LITAF: variants seen among roughly 807,000 people sequenced by gnomAD.
The protein encoded by LITAF is lipopolysaccharide-induced tumor necrosis factor-alpha factor.
LITAF carries 9 observed loss-of-function variants against 14.5 expected under a neutral mutation model. That is an observed-to-expected ratio of 0.62 (90% confidence interval 0.37 to 1.08). The LOEUF is 1.08. Ranked by LOEUF, LITAF falls within the 50% of genes least tolerant of loss-of-function variation. The probability of loss-of-function intolerance (pLI) is 0.01; values close to 1 mark genes in which losing one functional copy is unlikely to be tolerated. For synonymous variants in LITAF, 98 were observed against 88.2 expected (o/e 1.11, Z -0.62); for missense variants, 206 against 213.4 (o/e 0.97, Z 0.22).
chr16:11,587,072 T>G (rs2064816609), upstream of LITAF: 1 of 172,170 alleles, frequency 5.8e-6, no homozygotes, highest in Non-Finnish European at 1.3e-5. Context: ...CCACCGCCGG[T>G]TCCCCGCCTC....
chr16:11,555,591 C>G (rs116160786), intron 2 of LITAF, among the ~76,000 whole-genome samples: 3 of 151,374 alleles, frequency 2.0e-5, no homozygotes, highest in Admixed American at 6.6e-5. Flanking sequence ...CCCAGGAGGT[C>G]CAGGCTATAG....
chr16:11,594,891 A>T (rs1440904485), intron 1 of LITAF, among the ~76,000 whole-genome samples: 1 of 127,736 alleles, frequency 7.8e-6, no homozygotes, highest in African/African-American at 3.2e-5. Context: ...AATAAAAAAA[A>T]ATAAAATAAA....
chr16:11,561,079 C>T (rs1441562258), intron 1 of LITAF: 3 of 152,196 alleles, frequency 2.0e-5, no homozygotes, highest in African/African-American at 7.2e-5. Context: ...ACGTCGAGGA[C>T]TCGCCGTCAC....
At chr16:11,637,486 C>G (rs2065142477), upstream of LITAF, among the ~76,000 whole-genome samples, 1 of 152,238 alleles carries the variant, frequency 6.6e-6, no homozygotes, top group South Asian at 2.1e-4. Context: ...AGCTGGGGAC[C>G]TGGGCTCACC....
chr16:11,638,009 T>G (rs1347778650), upstream of LITAF, among the ~76,000 whole-genome samples: 1 of 117,584 alleles, frequency 8.5e-6, no homozygotes, highest in Non-Finnish European at 1.6e-5. Context: ...TATATCTATA[T>G]ATATCTATAT....
chr16:11,568,277 G>C (rs1420332072), intron 1 of LITAF, among the ~76,000 whole-genome samples: 2 of 147,262 alleles, frequency 1.4e-5, no homozygotes, highest in Non-Finnish European at 1.5e-5. Context: ...AACAGAGCAA[G>C]ACCCTGTCTC....
upstream of LITAF, among the ~76,000 whole-genome samples, chr16:11,591,786 A>G (rs955657261): frequency 5.9e-5 from 9 of 151,948 alleles, no homozygotes; most frequent in African/African-American, 2.2e-4. Context: ...AATTACAGGC[A>G]TGCACCACCA....
Position 11,634,760 on chromosome 16 carries a change from C to A in LITAF, c.-21+1065G>T, listed in dbSNP as rs981162305. 1.3e-5 allele frequency among the ~76,000 whole-genome samples: 2 copies of A among 152,184 alleles called. No homozygotes were observed. Among genetic ancestry groups the A allele is most frequent in the African/African-American group, 4.8e-5 (2 of 41,456 alleles). On this transcript the variant is annotated intron_variant, in intron 2 of 3. Coordinates refer to the LITAF transcript ENST00000574848. This position sits in a 1 kb window ranked among gnomAD's most constrained non-coding sequence, Gnocchi z 4.1. Reference sequence around the variant, plus strand: ...TCATAAAACTCTGGTCTCTACCAGGCATGGTGGCTCACATCTGTAATCCCA... The same window carrying A: ...TCATAAAACTCTGGTCTCTACCAGGAATGGTGGCTCACATCTGTAATCCCA...
chr16:11,633,166 G>T (rs919952558), intron 3 of LITAF, among the ~76,000 whole-genome samples: 1 of 152,144 alleles, frequency 6.6e-6, no homozygotes, highest in Non-Finnish European at 1.5e-5. Flanking sequence ...ATTCCCAGGG[G>T]TGCACCCATC....
chr16:11,606,757 C>T (rs2064956862), intron 3 of LITAF, among the ~76,000 whole-genome samples: 1 of 151,972 alleles, frequency 6.6e-6, no homozygotes, highest in African/African-American at 2.4e-5. Context: ...GCCTCAGCCT[C>T]CCGAGTAGCT....
At chr16:11,555,946 C>G (rs1358062758) in intron 2 of LITAF, among the ~76,000 whole-genome samples, 1 of 152,176 alleles carries the variant, frequency 6.6e-6, no homozygotes, top group East Asian at 1.9e-4. Context: ...CACGGGCCCC[C>G]TCTCTGAGCT....
chr16:11,560,338 C>T (rs2064341994), intron 1 of LITAF, among the ~76,000 whole-genome samples: 2 of 151,062 alleles, frequency 1.3e-5, no homozygotes, highest in African/African-American at 4.9e-5. Flanking sequence ...CGGCCAGGCA[C>T]GGTGGCTCAT....
chr16:11,616,150 GTGCATCTGGCTGTT>G (rs910741765), intron 3 of LITAF, among the ~76,000 whole-genome samples: 1 of 152,126 alleles, frequency 6.6e-6, no homozygotes. Flanking sequence ...CTATGCTCCT[GTGCATCTGGCTGTT>G]TGTATCTTTT....
chr16:11,604,377 G>C (rs1002605302), intron 3 of LITAF, among the ~76,000 whole-genome samples: 1 of 152,036 alleles, frequency 6.6e-6, no homozygotes, highest in Non-Finnish European at 1.5e-5. Context: ...TCCTCATTAC[G>C]ACCCAACTAA....
intron 1 of LITAF, among the ~76,000 whole-genome samples, chr16:11,567,506 A>C (rs2064471645): frequency 6.6e-6 from 1 of 152,162 alleles, no homozygotes; most frequent in African/African-American, 2.4e-5. Context: ...GGGAGTGTAC[A>C]CATGGACAAA....
chr16:11,555,947 T>C (rs1213874885), intron 2 of LITAF, among the ~76,000 whole-genome samples: 2 of 152,116 alleles, frequency 1.3e-5, no homozygotes, highest in Admixed American at 1.3e-4. Context: ...ACGGGCCCCC[T>C]CTCTGAGCTA....
chr16:11,568,299 A>G (rs1054974489), intron 1 of LITAF, among the ~76,000 whole-genome samples: 3 of 151,918 alleles, frequency 2.0e-5, no homozygotes, highest in Admixed American at 2.0e-4. Flanking sequence ...AAAAAAAAAA[A>G]AAAAGAAAAG....
chr16:11,549,021 T>G lies in LITAF; in HGVS notation c.*616A>C. The G allele has an allele frequency of 2.2e-6, 1 of 453,256 alleles. No homozygotes were observed. The highest frequency in any genetic ancestry group is 4.4e-6 in the Non-Finnish European group (1 of 226,702). The allele number at this position is 453,256 out of a possible 1,614,324, so 28.1% of individuals were successfully genotyped here. On this transcript the variant is annotated 3_prime_UTR_variant, in exon 4 of 4. Coordinates refer to ENST00000622633, the MANE Select transcript of LITAF (RefSeq NM_001136472.2). The surrounding 1 kb of genome is among the most constrained non-coding windows in gnomAD (Gnocchi z 4.6). The stretch of plus-strand genomic sequence containing the variant: ...GCATTTACGACCTTGTGGATATGTC[T>G]GTACTGGGTGTTAATAGCCCCCTCC...
At chr16:11,637,880 C>CAA (rs374814538), upstream of LITAF, among the ~76,000 whole-genome samples, 326 of 37,806 alleles carry the variant, frequency 8.6e-3, 12 homozygotes, top group Middle Eastern at 0.019. Context: ...GAACCTTCCT[C>CAA]AAAAAAAAAA....
Sources: allele counts gnomAD v4.1 joint callset (sites outside exome capture counted in the v4.1 genomes callset), GRCh38; gene constraint gnomAD v4.1.1; non-coding constraint Gnocchi (gnomAD v3.1); transcripts MANE v1.5; gene names NCBI Gene and HGNC (gene_info 2026-07-23, HGNC 2026-07-21).